Variants in FHIT observed in about 807,000 individuals in gnomAD.
The protein encoded by FHIT is fragile histidine triad diadenosine triphosphatase.
In FHIT, 19 loss-of-function variants were observed where a neutral mutation model predicts 17.9. The ratio of observed to expected loss-of-function variants is 1.06; its 90% CI spans 0.74 to 1.56. The LOEUF is 1.56. Ranked by LOEUF, FHIT falls within the 40% of genes most tolerant of loss-of-function variation. The probability of loss-of-function intolerance (pLI) is 0.00; values close to 1 mark genes in which losing one functional copy is unlikely to be tolerated. For missense variants in FHIT, 248 were observed against 189.2 expected (o/e 1.31, Z -1.82); for synonymous variants, 81 against 69.7 (o/e 1.16, Z -0.81).
chr3:60,011,679 C>T (rs1700146014), intron 6 of FHIT, among the ~76,000 whole-genome samples: 1 of 152,158 alleles, frequency 6.6e-6, no homozygotes, highest in East Asian at 1.9e-4. Context: ...GTTTTAATTG[C>T]ATTAAAGGAA....
chr3:59,856,455 T>G (rs1702161544), intron 8 of FHIT, among the ~76,000 whole-genome samples: 1 of 152,192 alleles, frequency 6.6e-6, no homozygotes, highest in Non-Finnish European at 1.5e-5. Context: ...CCCCATAGAT[T>G]CTGTAAATCA....
chr3:60,123,087 T>C (rs1024779340), intron 5 of FHIT, among the ~76,000 whole-genome samples: 1 of 152,188 alleles, frequency 6.6e-6, no homozygotes, highest in Non-Finnish European at 1.5e-5. Context: ...AAACTATTAC[T>C]TTTAAAGCCT....
intron 5 of FHIT, among the ~76,000 whole-genome samples, chr3:60,100,521 T>G (rs542779947): frequency 6.6e-6 from 1 of 152,258 alleles, no homozygotes; most frequent in Admixed American, 6.5e-5. Flanking sequence ...AATCCTAAGT[T>G]GTTTCCACCT....
At chr3:60,233,612 C>A (rs774019255) in intron 5 of FHIT, among the ~76,000 whole-genome samples, 6 of 152,032 alleles carry the variant, frequency 3.9e-5, no homozygotes, top group Non-Finnish European at 8.8e-5. Context: ...TTTTTGAAAT[C>A]ATCTTTTCTC....
chr3:59,842,316 T>C (rs1437273435), intron 8 of FHIT, among the ~76,000 whole-genome samples: 2 of 152,372 alleles, frequency 1.3e-5, no homozygotes, highest in Middle Eastern at 3.4e-3. Context: ...TTTCAATGGA[T>C]ACTGAGTTGC....
chr3:61,070,380 A>AGAG (rs2034763961), intron 2 of FHIT, among the ~76,000 whole-genome samples: 2 of 152,218 alleles, frequency 1.3e-5, no homozygotes, highest in South Asian at 4.1e-4. Flanking sequence ...GAGAAGAGGT[A>AGAG]GATGTTCAAC....
At chr3:60,083,455 T>C (rs950856894) in intron 5 of FHIT, among the ~76,000 whole-genome samples, 3 of 152,148 alleles carry the variant, frequency 2.0e-5, no homozygotes, top group Non-Finnish European at 2.9e-5. Flanking sequence ...TTTGGTTCCA[T>C]GTGAATAGTC....
At chr3:60,286,163 A>T (rs1252883692) in intron 5 of FHIT, among the ~76,000 whole-genome samples, 1 of 152,118 alleles carries the variant, frequency 6.6e-6, no homozygotes, top group Non-Finnish European at 1.5e-5. Flanking sequence ...AACAGACTCC[A>T]CCTCCTGATA....
rs562893235 is a variant in FHIT at position 60,849,779 on chromosome 3, T to TTC, written c.-110-27770_-110-27769dup. On this transcript the variant is annotated intron_variant, in intron 3 of 9. Coordinates refer to ENST00000492590, the MANE Select transcript of FHIT (RefSeq NM_002012.4). Reference sequence around the variant, plus strand: ...AGGTAGAAAATAGGCTTGCCATGCTTTCTCTCTCTCTCCCTATATCCCATG... The same window carrying TTC: ...AGGTAGAAAATAGGCTTGCCATGCTTTCTCTCTCTCTCTCCCTATATCCCATG... Among the ~76,000 whole-genome samples, 22 of 151,934 alleles carry TTC rather than the reference T, an allele frequency of 1.4e-4. 1 individual carries two copies. The South Asian group carries it at 4.4e-3, about 30-fold the overall frequency.
intron 5 of FHIT, among the ~76,000 whole-genome samples, chr3:60,478,587 T>C (rs1462888106): frequency 6.6e-6 from 1 of 152,158 alleles, no homozygotes. Context: ...GTGATGATGA[T>C]GATGATGACA....
intron 8 of FHIT, among the ~76,000 whole-genome samples, chr3:59,767,022 A>T (rs1199436126): frequency 6.6e-6 from 1 of 152,136 alleles, no homozygotes; most frequent in Non-Finnish European, 1.5e-5. Flanking sequence ...GAAAAAAGTG[A>T]TTTTCTGGCA....
At chr3:60,468,268 G>C (rs55962863) in intron 5 of FHIT, among the ~76,000 whole-genome samples, 2 of 151,900 alleles carry the variant, frequency 1.3e-5, no homozygotes, top group Non-Finnish European at 2.9e-5. Context: ...TACATCTTTC[G>C]ATTAGAGTTT....
chr3:60,541,542 T>C (rs564056589), intron 4 of FHIT, among the ~76,000 whole-genome samples: 25 of 152,312 alleles, frequency 1.6e-4, no homozygotes, highest in African/African-American at 6.0e-4. Context: ...CAGGCACCCA[T>C]AGTCCTTTGA....
At chr3:60,668,427 A>G (rs2040431313) in intron 4 of FHIT, among the ~76,000 whole-genome samples, 1 of 147,774 alleles carries the variant, frequency 6.8e-6, no homozygotes, top group Non-Finnish European at 1.5e-5. Flanking sequence ...TCTTGTTGCC[A>G]GGCTTGGACT....
intron 4 of FHIT, among the ~76,000 whole-genome samples, chr3:60,652,051 T>C (rs374592360): frequency 2.2e-4 from 34 of 152,184 alleles, no homozygotes; most frequent in African/African-American, 8.2e-4. Context: ...AACCACAGCC[T>C]AAAAAGGGAT....
At chr3:60,519,450 A>T (rs898707661) in intron 5 of FHIT, among the ~76,000 whole-genome samples, 1 of 152,210 alleles carries the variant, frequency 6.6e-6, no homozygotes, top group African/African-American at 2.4e-5. Context: ...CATAGTTGAA[A>T]ATTCACATGT....
At chr3:60,458,932 C>T (rs1255776952) in intron 5 of FHIT, among the ~76,000 whole-genome samples, 2 of 147,222 alleles carry the variant, frequency 1.4e-5, no homozygotes, top group Admixed American at 1.4e-4. Context: ...TACACCACCA[C>T]ACCTGGCTAA....
chr3:60,156,867 A>G (rs1320997749), intron 5 of FHIT, among the ~76,000 whole-genome samples: 1 of 152,160 alleles, frequency 6.6e-6, no homozygotes, highest in Non-Finnish European at 1.5e-5. Flanking sequence ...CTTGGCAACA[A>G]AAGTAATGCT....
intron 5 of FHIT, among the ~76,000 whole-genome samples, chr3:60,251,040 A>G (rs1705683291): frequency 6.6e-6 from 1 of 152,170 alleles, no homozygotes; most frequent in African/African-American, 2.4e-5. Context: ...AACAAACTCT[A>G]TTACTTCCTT....
Sources: gnomAD v4.1 joint callset for allele counts (sites outside exome capture counted in the v4.1 genomes callset) on GRCh38, gnomAD v4.1.1 for gene constraint, MANE v1.5 for transcripts, NCBI Gene and HGNC (gene_info 2026-07-23, HGNC 2026-07-21) for gene names.